The following GOLT1A variants were observed in gnomAD, a reference collection of about 807,000 sequenced individuals.
GOLT1A encodes the protein vesicle transport protein GOT1A.
A neutral mutation model predicts 16.1 loss-of-function variants in GOLT1A; 10 were observed. The ratio of observed to expected loss-of-function variants is 0.62; its 90% CI spans 0.38 to 1.05. GOLT1A has a LOEUF of 1.05. Among genes scored for constraint, GOLT1A ranks in the 50% least tolerant of loss-of-function variants. The pLI is 0.01. For missense variants in GOLT1A, 137 were observed against 165.7 expected (o/e 0.83, Z 0.95); for synonymous variants, 60 against 67.9 (o/e 0.88, Z 0.57).
chr1:204,212,482 C>T (rs1452333704), intron 1 of GOLT1A, among the ~76,000 whole-genome samples: 1 of 151,840 alleles, frequency 6.6e-6, no homozygotes, highest in Admixed American at 6.6e-5. Context: ...ACTAAAAATA[C>T]AAAAATTAGC....
Position 204,200,299 on chromosome 1 carries a change from G to GTATATATATATATA in GOLT1A, c.297-1055_297-1042dup, listed in dbSNP as rs141284578. On this transcript the variant is annotated intron_variant, in intron 3 of 4. Transcript: ENST00000308302. ...GACTGTTTGAAAATGACATATATGT[G>GTATATATATATATA]TATATATATATATATATATATGTTT... Among the ~76,000 whole-genome samples the GTATATATATATATA allele has an allele frequency of 8.6e-4, 71 of 82,656 alleles. 5 individuals are homozygous for GTATATATATATATA. The highest frequency in any genetic ancestry group is 4.4e-3 in the East Asian group (11 of 2,492). 54.2% of individuals were successfully genotyped at this position (82,656 alleles called of 152,430 possible).
At chr1:204,207,613 T>C (rs904063019) in intron 1 of GOLT1A, among the ~76,000 whole-genome samples, 1 of 152,190 alleles carries the variant, frequency 6.6e-6, no homozygotes, top group Non-Finnish European at 1.5e-5. Flanking sequence ...AAGAAAACAA[T>C]ATCTCATGGA....
chr1:204,213,969 C>CGCAGCT lies in GOLT1A; in HGVS notation c.-69_-64dup. The CGCAGCT allele has an allele frequency of 6.3e-7, 1 of 1,579,116 alleles. No individual in the cohort carries two copies. Among genetic ancestry groups the CGCAGCT allele is most frequent in the South Asian group, 1.1e-5 (1 of 87,866 alleles). ...GGCAAGTGGAGCGTGGCCCAGAGGA[C>CGCAGCT]GCAGCTGGTACATGGTCACGGGAAG... is the stretch of plus-strand genomic sequence containing the variant. On this transcript the variant is annotated 5_prime_UTR_variant, in exon 1 of 5. Transcript: ENST00000308302.
At position 204,203,007 on chromosome 1, in the gene GOLT1A, G is replaced by A; in HGVS notation, c.26-20C>T. 1 of 1,607,484 alleles carries A rather than the reference G, an allele frequency of 6.2e-7. No homozygotes were observed. The highest frequency in any genetic ancestry group is 8.5e-7 in the Non-Finnish European group (1 of 1,174,246). The stretch of plus-strand genomic sequence containing the variant: ...CAATCTCTGCAATGGGCAAGGAGGT[G>A]GTGGAGGAAAGGGCTTTGGGGAGCA... On this transcript the variant is annotated intron_variant, in intron 1 of 4. Transcript: ENST00000308302.
chr1:204,204,872 T>A (rs1659015953), intron 1 of GOLT1A, among the ~76,000 whole-genome samples: 1 of 151,956 alleles, frequency 6.6e-6, no homozygotes, highest in Non-Finnish European at 1.5e-5. Flanking sequence ...CTAATGGGTA[T>A]AAGGTAGTAT....
intron 3 of GOLT1A, among the ~76,000 whole-genome samples, chr1:204,200,766 G>A (rs761319180): frequency 3.9e-5 from 6 of 152,094 alleles, no homozygotes; most frequent in Non-Finnish European, 8.8e-5. Context: ...CAGCAAACGG[G>A]GGCTCCTGTG....
chr1:204,213,672 T>C (rs1480223977), intron 1 of GOLT1A, among the ~76,000 whole-genome samples: 1 of 152,178 alleles, frequency 6.6e-6, no homozygotes, highest in African/African-American at 2.4e-5. Flanking sequence ...AGCCTCTAGC[T>C]ACCTGTGGGC....
chr1:204,204,672 A>T (rs986048023), intron 1 of GOLT1A, among the ~76,000 whole-genome samples: 13 of 152,244 alleles, frequency 8.5e-5, no homozygotes. Context: ...TATATACCCC[A>T]CAAAGTGGAA....
At chr1:204,202,806 T>C in intron 2 of GOLT1A, 90 bp downstream of exon 2, 1 of 908,670 alleles carries the variant, frequency 1.1e-6, no homozygotes, top group Non-Finnish European at 1.8e-6. Context: ...TTAAATAAAC[T>C]GTAAGTCTTT....
At chr1:204,200,322 T>TATATATATATA (rs1376686184) in intron 3 of GOLT1A, among the ~76,000 whole-genome samples, 27 of 110,860 alleles carry the variant, frequency 2.4e-4, no homozygotes, top group African/African-American at 4.8e-4. Flanking sequence ...TATATATATG[T>TATATATATATA]TTTTGTTTTT....
intron 1 of GOLT1A, among the ~76,000 whole-genome samples, chr1:204,206,981 A>G (rs181607112): frequency 6.6e-6 from 1 of 152,332 alleles, no homozygotes; most frequent in East Asian, 1.9e-4. Flanking sequence ...GGCCACACTT[A>G]GTGCTCTCAG....
chr1:204,201,573 G>A (rs1434348288), intron 3 of GOLT1A, 60 bp downstream of exon 3: 1 of 1,544,264 alleles, frequency 6.5e-7, no homozygotes, highest in Non-Finnish European at 8.9e-7. Context: ...CTGCTGGGGT[G>A]ATCTCAGCCA....
chr1:204,206,094 A>G (rs1659035166), intron 1 of GOLT1A, among the ~76,000 whole-genome samples: 1 of 152,192 alleles, frequency 6.6e-6, no homozygotes, highest in Non-Finnish European at 1.5e-5. Flanking sequence ...ACAGAAAAAT[A>G]CAGTGATAAG....
At chr1:204,211,500 A>G (rs1281947235) in intron 1 of GOLT1A, among the ~76,000 whole-genome samples, 1 of 152,222 alleles carries the variant, frequency 6.6e-6, no homozygotes, top group Non-Finnish European at 1.5e-5. Context: ...CTCATCATTC[A>G]GGTCTCAGCT....
chr1:204,210,819 G>C (rs1659126544), intron 1 of GOLT1A, among the ~76,000 whole-genome samples: 1 of 152,082 alleles, frequency 6.6e-6, no homozygotes. Flanking sequence ...CTCATATCTA[G>C]CTGCTTACTT....
Position 204,203,113 on chromosome 1 carries a change from C to G in GOLT1A, c.26-126G>C, listed in dbSNP as rs966209348. ...TGACTCCACTTCCATCCAGGAATCT[C>G]AGCTTTCATGCTCTCAGGGGATGGT... On this transcript the variant is annotated intron_variant, in intron 1 of 4. Coordinates refer to ENST00000308302, the MANE Select transcript of GOLT1A (RefSeq NM_198447.2). 7.3e-6 allele frequency: 5 copies of G among 683,078 alleles called. No homozygotes were observed. In the African/African-American group the frequency reaches 9.0e-5, roughly 12 times the overall value. The allele number at this position is 683,078 out of a possible 1,614,324, so 42.3% of individuals were successfully genotyped here. A position where few individuals can be genotyped will look rare whatever the true frequency, so the allele number is the denominator to read the frequency against.
chr1:204,205,911 A>G (rs1356223375), intron 1 of GOLT1A, among the ~76,000 whole-genome samples: 1 of 152,174 alleles, frequency 6.6e-6, no homozygotes, highest in African/African-American at 2.4e-5. Flanking sequence ...CTCTACTAAA[A>G]ATACAAAAAT....
chr1:204,200,553 C>T (rs555536147), intron 3 of GOLT1A, among the ~76,000 whole-genome samples: 21 of 151,786 alleles, frequency 1.4e-4, no homozygotes, highest in African/African-American at 4.6e-4. Context: ...TTCTCGAACT[C>T]CTGACCTCAA....
intron 2 of GOLT1A, 122 bp downstream of exon 2, chr1:204,202,774 C>T: frequency 1.3e-6 from 1 of 745,316 alleles, no homozygotes; most frequent in South Asian, 1.7e-5. Flanking sequence ...TTGGGATTTA[C>T]TTAAGGGATT....
Sources: allele counts gnomAD v4.1 joint callset (sites outside exome capture counted in the v4.1 genomes callset), GRCh38; gene constraint gnomAD v4.1.1; transcripts MANE v1.5; gene names NCBI Gene and HGNC (gene_info 2026-07-23, HGNC 2026-07-21).